The following NEGR1 variants were observed in gnomAD, a reference collection of about 807,000 sequenced individuals.
NEGR1 encodes the protein neuronal growth regulator 1, also known as IgLON family member 4.
Under a neutral mutation model 40.9 loss-of-function variants are expected in NEGR1, and 10 were observed. That is an observed-to-expected ratio of 0.24 (90% CI 0.15 to 0.42). The LOEUF is 0.42. Among genes scored for constraint, NEGR1 ranks in the 10% least tolerant of loss-of-function variants. The probability of loss-of-function intolerance (pLI) is 1.00; values close to 1 mark genes in which losing one functional copy is unlikely to be tolerated. For missense variants in NEGR1, 352 were observed against 438.9 expected, an observed-to-expected ratio of 0.80 and a Z score of 1.77; for synonymous variants, 185 against 166.8, an observed-to-expected ratio of 1.11 and a Z score of -0.84.
chr1:71,698,021 T>G lies in NEGR1; in HGVS notation c.654A>C (p.Lys218Asn), dbSNP rs1476127926. The change falls in exon 4 of 7, where the codon AAA (lysine) becomes AAC (asparagine). Residue 218 changes from lysine (K) to asparagine (N), a missense_variant. Around this residue, in one of 5 missense-constraint regions of NEGR1, gnomAD observed 184 missense variants for 208.7 expected, o/e 0.88. Transcript: ENST00000357731. Reference sequence around the variant, plus strand: ...GATGACACTTACAGTTGACAACAACTTTTACTTTCCTCACATCTGGGAATG... The same window carrying G: ...GATGACACTTACAGTTGACAACAACGTTTACTTTCCTCACATCTGGGAATG... ...DVSFPDVRKV[K>N]VVVNFAPTIQ... 1 of 1,611,240 alleles carries G rather than the reference T, an allele frequency of 6.2e-7. No homozygotes were observed. Among genetic ancestry groups the G allele is most frequent in the South Asian group, 1.1e-5 (1 of 90,926 alleles).
chr1:71,677,687 T>G (rs925895439), intron 4 of NEGR1, among the ~76,000 whole-genome samples: 2 of 152,202 alleles, frequency 1.3e-5, no homozygotes, highest in Admixed American at 6.6e-5. Context: ...ATGTGTTTCA[T>G]TCTTCACTGT....
chr1:72,087,104 TA>T (rs1377755014), intron 1 of NEGR1, among the ~76,000 whole-genome samples: 1 of 152,168 alleles, frequency 6.6e-6, no homozygotes, highest in Non-Finnish European at 1.5e-5. Flanking sequence ...CTCCAAATTC[TA>T]TAACTCTACA....
intron 6 of NEGR1, among the ~76,000 whole-genome samples, chr1:71,491,804 G>T (rs1646930820): frequency 6.6e-6 from 1 of 152,066 alleles, no homozygotes; most frequent in South Asian, 2.1e-4. Context: ...TAAGACAGAA[G>T]AATGTGCTTA....
At chr1:71,845,885 A>G (rs1659390073) in intron 2 of NEGR1, among the ~76,000 whole-genome samples, 1 of 147,650 alleles carries the variant, frequency 6.8e-6, no homozygotes, top group Admixed American at 6.7e-5. Context: ...TCAGTCTTTC[A>G]TGTAGCTAGG....
intron 6 of NEGR1, among the ~76,000 whole-genome samples, chr1:71,447,342 T>A (rs1051582570): frequency 2.0e-5 from 3 of 152,216 alleles, no homozygotes; most frequent in Non-Finnish European, 4.4e-5. Context: ...GTCAAAGAAC[T>A]GCTACCAGAG....
chr1:71,550,445 T>A (rs1422144467), intron 6 of NEGR1, among the ~76,000 whole-genome samples: 1 of 151,480 alleles, frequency 6.6e-6, no homozygotes, highest in East Asian at 2.0e-4. Context: ...AGGTTCAGAG[T>A]TGACTTCTTT....
intron 1 of NEGR1, among the ~76,000 whole-genome samples, chr1:72,037,507 A>G (rs775406874): frequency 1.3e-5 from 2 of 152,168 alleles, no homozygotes; most frequent in Non-Finnish European, 2.9e-5. Flanking sequence ...CTTTTTATCC[A>G]TCATTAACCA....
chr1:71,636,631 A>G (rs1321817134), intron 4 of NEGR1, among the ~76,000 whole-genome samples: 1 of 152,134 alleles, frequency 6.6e-6, no homozygotes, highest in African/African-American at 2.4e-5. Context: ...GCATTATCAA[A>G]TAGTATGCTG....
chr1:72,151,543 C>A (rs1000397707), intron 1 of NEGR1, among the ~76,000 whole-genome samples: 3 of 151,220 alleles, frequency 2.0e-5, no homozygotes, highest in African/African-American at 7.3e-5. Flanking sequence ...TATTAAAAAC[C>A]CTTTAAAGTT....
intron 4 of NEGR1, among the ~76,000 whole-genome samples, chr1:71,668,254 G>A (rs1652305440): frequency 6.6e-6 from 1 of 152,128 alleles, no homozygotes; most frequent in Non-Finnish European, 1.5e-5. Flanking sequence ...CGTGGGAGAA[G>A]AATGCATCCA....
intron 2 of NEGR1, among the ~76,000 whole-genome samples, chr1:71,925,160 A>AT (rs535742790): frequency 2.0e-5 from 3 of 152,210 alleles, no homozygotes; most frequent in Non-Finnish European, 4.4e-5. Flanking sequence ...CCACAAATAG[A>AT]TTTACGGTGT....
At chr1:72,006,521 C>T (rs1444339780) in intron 1 of NEGR1, among the ~76,000 whole-genome samples, 1 of 152,112 alleles carries the variant, frequency 6.6e-6, no homozygotes, top group East Asian at 1.9e-4. Context: ...CATAATGCTG[C>T]TTAGGATATT....
At chr1:72,149,698 CG>C (rs1394182934) in intron 1 of NEGR1, among the ~76,000 whole-genome samples, 2 of 151,524 alleles carry the variant, frequency 1.3e-5, no homozygotes, top group Non-Finnish European at 2.9e-5. Flanking sequence ...GACTGACCAA[CG>C]TGGAGAAACC....
intron 4 of NEGR1, among the ~76,000 whole-genome samples, chr1:71,633,070 G>A (rs932040621): frequency 3.9e-5 from 6 of 151,976 alleles, no homozygotes; most frequent in Non-Finnish European, 7.4e-5. Context: ...ATTCTATAAA[G>A]TTTTTACTTT....
At chr1:71,474,811 A>T (rs190693623) in intron 6 of NEGR1, among the ~76,000 whole-genome samples, 1 of 151,906 alleles carries the variant, frequency 6.6e-6, no homozygotes, top group African/African-American at 2.4e-5. Context: ...TACTGAATAT[A>T]CTTATTTAAA....
intron 6 of NEGR1, among the ~76,000 whole-genome samples, chr1:71,536,733 A>T (rs921177969): frequency 2.6e-5 from 4 of 151,832 alleles, no homozygotes; most frequent in Non-Finnish European, 4.4e-5. Flanking sequence ...AGATCTTAAA[A>T]TTTTTGTGAA....
rs190082126 is a variant in NEGR1 at position 72,077,103 on chromosome 1, C to T, written c.177-141792G>A. On this transcript the variant is annotated intron_variant, in intron 1 of 6. Coordinates refer to ENST00000357731, the MANE Select transcript of NEGR1 (RefSeq NM_173808.3). The stretch of plus-strand genomic sequence containing the variant: ...AGAGAAAAGGTTTCTACCATGTTGG[C>T]CAGGATGATCTGGATCTTTTGACTT... Among the ~76,000 whole-genome samples, 21 of 151,930 alleles carry T rather than the reference C, an allele frequency of 1.4e-4. No homozygotes were observed. In the East Asian group the frequency reaches 3.7e-3, roughly 27 times the overall value.
chr1:71,883,465 T>C (rs1008649608), intron 2 of NEGR1, among the ~76,000 whole-genome samples: 2 of 152,134 alleles, frequency 1.3e-5, no homozygotes, highest in Non-Finnish European at 2.9e-5. Flanking sequence ...TACAGATAAA[T>C]AATTGAACAC....
rs149191436 is a variant in NEGR1 at position 71,947,388 on chromosome 1, C to G, written c.177-12077G>C. Among the ~76,000 whole-genome samples the G allele has an allele frequency of 3.1e-4, 47 of 152,052 alleles. No homozygotes were observed. In the East Asian group the frequency reaches 8.9e-3, roughly 29 times the overall value. ...AGAAAATCTGTTTTCATAAATAAGT[C>G]TATGGGAATGGAAGGTGTCCTATTT... On this transcript the variant is annotated intron_variant, in intron 1 of 6. Coordinates refer to ENST00000357731, the MANE Select transcript of NEGR1 (RefSeq NM_173808.3).
Sources: allele counts gnomAD v4.1 joint callset (sites outside exome capture counted in the v4.1 genomes callset), GRCh38; gene constraint gnomAD v4.1.1; regional missense constraint gnomAD v4.1.1; transcripts MANE v1.5; gene names NCBI Gene and HGNC (gene_info 2026-07-23, HGNC 2026-07-21).